The following RSBN1L variants were observed in gnomAD, a reference collection of about 807,000 sequenced individuals.
The protein encoded by RSBN1L is lysine-specific demethylase RSBN1L.
RSBN1L carries 30 observed loss-of-function variants against 67.7 expected under a neutral mutation model. That is an observed-to-expected ratio of 0.44 (90% confidence interval 0.33 to 0.60). The LOEUF (loss-of-function observed/expected upper bound fraction) is 0.60. Among genes scored for constraint, RSBN1L ranks in the 20% least tolerant of loss-of-function variants. The pLI, the probability that RSBN1L is intolerant of heterozygous loss-of-function variation, is 0.02. For synonymous variants in RSBN1L, 433 were observed against 387.0 expected, an observed-to-expected ratio of 1.12 and a Z score of -1.39; for missense variants, 992 against 1,031.7, an observed-to-expected ratio of 0.96 and a Z score of 0.53.
At chr7:77,757,714 T>C (rs78701149) in intron 3 of RSBN1L, among the ~76,000 whole-genome samples, 1,976 of 152,356 alleles carry the variant, frequency 0.013, 42 homozygotes, top group African/African-American at 0.045. Context: ...ACCTCACTTA[T>C]ATGGTTGGTG....
chr7:77,750,106 AT>A, intron 3 of RSBN1L, 42 bp downstream of exon 3: 1 of 1,205,274 alleles, frequency 8.3e-7, no homozygotes, highest in Non-Finnish European at 1.1e-6. Flanking sequence ...TTAATTATAT[AT>A]TTTTAGATGA....
intron 2 of RSBN1L, among the ~76,000 whole-genome samples, chr7:77,748,120 T>G (rs1267556664): frequency 6.6e-6 from 1 of 152,120 alleles, no homozygotes; most frequent in Non-Finnish European, 1.5e-5. Context: ...CTGAAGAGAT[T>G]ATAGGTAGAC....
Position 77,773,160 on chromosome 7 carries a change from A to T in RSBN1L, c.1639A>T (p.Ile547Leu). 6.3e-7 allele frequency: 1 copy of T among 1,583,598 alleles called. No homozygotes were observed. The highest frequency in any genetic ancestry group is 8.6e-7 in the Non-Finnish European group (1 of 1,168,544). The part of the protein sequence containing the change: ...PFKRKRTTNE[I>L]KNLQYLPRTS... ...TTTAAAAAACAGAACTACCAATGAAATAAAAAATCTTCAGTACCTACCTCG... is the reference window on the plus strand; with the variant it reads ...TTTAAAAAACAGAACTACCAATGAATTAAAAAATCTTCAGTACCTACCTCG... Residue 547 changes from isoleucine to leucine, a missense_variant, in exon 6 of 8, where the codon ATA becomes TTA. Transcript: ENST00000334955.
At chr7:77,709,471 G>A (rs1247598008) in intron 1 of RSBN1L, among the ~76,000 whole-genome samples, 1 of 151,960 alleles carries the variant, frequency 6.6e-6, no homozygotes, top group Non-Finnish European at 1.5e-5. Context: ...TGTATTTTTA[G>A]TAGAGCTGGG....
At position 77,749,689 on chromosome 7, in the gene RSBN1L, T is replaced by G. The variant is rs1037154220; in HGVS notation, c.969T>G (p.Phe323Leu). ...YDSKIPENSE[F>L]PFVSLKEPRV... Reference sequence around the variant, plus strand: ...CCAAAATTCCAGAGAACAGTGAGTTTCCATTTGTCTCATTAAAGGAGCCAC... The same window carrying G: ...CCAAAATTCCAGAGAACAGTGAGTTGCCATTTGTCTCATTAAAGGAGCCAC... Residue 323 changes from phenylalanine to leucine, a missense_variant, in exon 3 of 8, where the codon TTT becomes TTG. By Grantham distance (22) the Phe-to-Leu change is conservative (BLOSUM62 0). Around this residue, in one of 7 missense-constraint regions of RSBN1L, gnomAD observed 575 missense variants for 483.2 expected, o/e 1.19. Coordinates refer to ENST00000334955, the MANE Select transcript of RSBN1L (RefSeq NM_198467.3). 20 of 1,614,046 alleles carry G rather than the reference T, an allele frequency of 1.2e-5. No individual in the cohort carries two copies. The highest frequency in any genetic ancestry group is 1.7e-5 in the Non-Finnish European group (20 of 1,180,032).
intron 1 of RSBN1L, among the ~76,000 whole-genome samples, chr7:77,717,242 T>C (rs1265154467): frequency 6.6e-6 from 1 of 152,186 alleles, no homozygotes; most frequent in Non-Finnish European, 1.5e-5. Flanking sequence ...TGCCTGGCCG[T>C]AGTCTTATAT....
intron 5 of RSBN1L, among the ~76,000 whole-genome samples, chr7:77,769,102 T>G (rs954820685): frequency 2.0e-5 from 3 of 152,174 alleles, no homozygotes; most frequent in African/African-American, 7.2e-5. Flanking sequence ...CTAAAATGTT[T>G]TGTGGAGGAT....
intron 1 of RSBN1L, among the ~76,000 whole-genome samples, chr7:77,720,556 T>TC (rs1791101690): frequency 6.6e-6 from 1 of 151,922 alleles, no homozygotes; most frequent in Non-Finnish European, 1.5e-5. Context: ...CGAAACTCCG[T>TC]TAAAAAAAAA....
chr7:77,773,072 A>G, intron 5 of RSBN1L, 75 bp from the exon 6 acceptor site: 1 of 762,086 alleles, frequency 1.3e-6, no homozygotes, highest in Non-Finnish European at 2.0e-6. Flanking sequence ...TTTTGTCTGA[A>G]TTATGTGATT....
intron 1 of RSBN1L, among the ~76,000 whole-genome samples, chr7:77,707,423 A>G (rs1790910615): frequency 6.6e-6 from 1 of 152,230 alleles, no homozygotes; most frequent in African/African-American, 2.4e-5. Flanking sequence ...GAAAAAATAT[A>G]TAATACCTTT....
chr7:77,697,057 T>TGGGTGCCGTGCGGGGAGGGGGAGGGGA lies in RSBN1L; in HGVS notation c.586+6_586+32dup. The TGGGTGCCGTGCGGGGAGGGGGAGGGGA allele has an allele frequency of 6.9e-7, 1 of 1,440,634 alleles. No homozygotes were observed. Among genetic ancestry groups the TGGGTGCCGTGCGGGGAGGGGGAGGGGA allele is most frequent in the Non-Finnish European group, 9.1e-7 (1 of 1,099,342 alleles). 89.2% of individuals were successfully genotyped at this position (1,440,634 alleles called of 1,614,324 possible). A position where few individuals can be genotyped will look rare whatever the true frequency, so the allele number is the denominator to read the frequency against. On this transcript the variant is annotated splice_region_variant and intron_variant, in intron 1 of 7. Transcript: ENST00000334955. ...GGGAGGTGAAGCCGCTGCCCCGAGG[T>TGGGTGCCGTGCGGGGAGGGGGAGGGGA]GGGTGCCGTGCGGGGAGGGGGAGGG...
At chr7:77,700,639 T>TA (rs1790803824) in intron 1 of RSBN1L, among the ~76,000 whole-genome samples, 2 of 152,366 alleles carry the variant, frequency 1.3e-5, no homozygotes, top group East Asian at 1.9e-4. Context: ...TCAGAGTTTT[T>TA]ATCATATGAC....
In RSBN1L at chr7:77,779,102, T is replaced by C. The variant is rs375484410; in HGVS notation, c.2475T>C (p.Val825=). 6 of 1,613,462 alleles carry C rather than the reference T, an allele frequency of 3.7e-6. No individual in the cohort carries two copies. The highest frequency in any genetic ancestry group is 5.1e-6 in the Non-Finnish European group (6 of 1,179,600). Residue 825 remains valine, a synonymous_variant, in exon 8 of 8, where the codon GTT becomes GTC. Coordinates refer to ENST00000334955, the MANE Select transcript of RSBN1L (RefSeq NM_198467.3). ...TGTGCCCTGGAAATCTAAGTCTAGT[T>C]GATACAAGGCAACACAGTTCAGCAC... ...EELCPGNLSL[V]DTRQHSSAHS...
chr7:77,726,388 T>A (rs117347382), intron 1 of RSBN1L, among the ~76,000 whole-genome samples: 2,788 of 152,270 alleles, frequency 0.018, 37 homozygotes, highest in Middle Eastern at 0.071. Flanking sequence ...ACCTTGATTG[T>A]TTGAGGTGTA....
chr7:77,780,482 TTC>T lies in RSBN1L; in HGVS notation c.*1316_*1317del, dbSNP rs1360892259. ...GGGATGATAAGAAGTTTAGAGAATT[TTC>T]TTACTAGTAAGTACCTTTACTAAGT... On this transcript the variant is annotated 3_prime_UTR_variant, in exon 8 of 8. Transcript: ENST00000334955. 2 of 152,190 alleles carry T rather than the reference TTC, an allele frequency of 1.3e-5. No homozygotes were observed. The highest frequency in any genetic ancestry group is 2.9e-5 in the Non-Finnish European group (2 of 68,036). 9.4% of individuals were successfully genotyped at this position (152,190 alleles called of 1,614,324 possible).
At position 77,725,244 on chromosome 7, in the gene RSBN1L, CT is replaced by C. The variant is rs779531960; in HGVS notation, c.587-11145del. Among the ~76,000 whole-genome samples, 682 of 73,640 alleles carry C rather than the reference CT, an allele frequency of 9.3e-3. 11 individuals carry two copies. The highest frequency in any genetic ancestry group is 0.027 in the African/African-American group (403 of 14,948). 48.3% of individuals were successfully genotyped at this position (73,640 alleles called of 152,430 possible). A position where few individuals can be genotyped will look rare whatever the true frequency, so the allele number is the denominator to read the frequency against. On this transcript the variant is annotated intron_variant, in intron 1 of 7. Coordinates refer to ENST00000334955, the MANE Select transcript of RSBN1L (RefSeq NM_198467.3). ...TTCTTCCCTAGGGATAAGCCCCCCA[CT>C]TTTTTTTTTTTTTTTTTTTTGAGAT... is the stretch of plus-strand genomic sequence containing the variant.
chr7:77,763,943 A>G (rs553980869), intron 3 of RSBN1L, among the ~76,000 whole-genome samples: 2 of 152,358 alleles, frequency 1.3e-5, no homozygotes, highest in East Asian at 3.9e-4. Context: ...AATTAATGTC[A>G]TTATTAAACT....
chr7:77,776,610 G>C (rs940686889), intron 6 of RSBN1L, among the ~76,000 whole-genome samples: 1 of 152,200 alleles, frequency 6.6e-6, no homozygotes, highest in Admixed American at 6.5e-5. Flanking sequence ...TCTTAGGCAA[G>C]TACACATTTA....
At chr7:77,717,899 A>G (rs1791068466) in intron 1 of RSBN1L, among the ~76,000 whole-genome samples, 2 of 152,164 alleles carry the variant, frequency 1.3e-5, no homozygotes, top group South Asian at 4.1e-4. Context: ...TGTGCCTGTA[A>G]TCTCAGCTAC....
Sources: gnomAD v4.1 joint callset for allele counts (sites outside exome capture counted in the v4.1 genomes callset) on GRCh38, gnomAD v4.1.1 for gene constraint, gnomAD v4.1.1 regional missense constraint, MANE v1.5 for transcripts, NCBI Gene and HGNC (gene_info 2026-07-23, HGNC 2026-07-21) for gene names.